PRKG1: variants seen among roughly 807,000 people sequenced by gnomAD.
The protein encoded by PRKG1 is protein kinase cGMP-dependent 1.
Under a neutral mutation model 88.1 loss-of-function variants are expected in PRKG1, and 35 were observed. The ratio of observed to expected loss-of-function variants is 0.40; its 90% CI spans 0.30 to 0.53. PRKG1 has a LOEUF of 0.53. Ranked by LOEUF, PRKG1 falls within the 20% of genes least tolerant of loss-of-function variation. The pLI is 0.59. For synonymous variants in PRKG1, 303 were observed against 292.5 expected, an observed-to-expected ratio of 1.04 and a Z score of -0.37; for missense variants, 540 against 839.8, an observed-to-expected ratio of 0.64 and a Z score of 4.41.
intron 2 of PRKG1, among the ~76,000 whole-genome samples, chr10:51,259,062 G>T (rs933831425): frequency 5.3e-5 from 8 of 152,134 alleles, no homozygotes; most frequent in African/African-American, 7.2e-5. Flanking sequence ...CCTGCCAAGT[G>T]CTTGTATGTT....
At chr10:51,273,387 T>A (rs1554853445) in intron 2 of PRKG1, among the ~76,000 whole-genome samples, 1 of 149,128 alleles carries the variant, frequency 6.7e-6, no homozygotes, top group Non-Finnish European at 1.5e-5. Flanking sequence ...CTTGTTGTGG[T>A]GGCATGCACC....
chr10:51,537,151 G>T (rs997168764), intron 3 of PRKG1, among the ~76,000 whole-genome samples: 1 of 152,140 alleles, frequency 6.6e-6, no homozygotes, highest in African/African-American at 2.4e-5. Flanking sequence ...ATGATCATAA[G>T]AATTTTTTAT....
intron 2 of PRKG1, among the ~76,000 whole-genome samples, chr10:51,314,412 T>C (rs541728313): frequency 8.5e-5 from 13 of 152,354 alleles, no homozygotes; most frequent in African/African-American, 2.9e-4. Context: ...GAACACAGTT[T>C]GTAAATTCTA....
intron 12 of PRKG1, among the ~76,000 whole-genome samples, chr10:52,274,602 CATTG>C (rs1170777340): frequency 6.6e-6 from 1 of 151,158 alleles, no homozygotes; most frequent in Non-Finnish European, 1.5e-5. Context: ...TTTATCCATT[CATTG>C]ATTGATGGGC....
chr10:51,650,848 T>G (rs927802302), intron 3 of PRKG1, among the ~76,000 whole-genome samples: 1 of 152,162 alleles, frequency 6.6e-6, no homozygotes, highest in Non-Finnish European at 1.5e-5. Context: ...TCAATTCACT[T>G]TAGTTCAACT....
intron 2 of PRKG1, among the ~76,000 whole-genome samples, chr10:51,302,120 A>G (rs1840904725): frequency 4.6e-5 from 7 of 152,164 alleles, no homozygotes. Context: ...TGTATCTTAT[A>G]CTTCTTTTGA....
intron 3 of PRKG1, among the ~76,000 whole-genome samples, chr10:51,729,664 G>T (rs975664594): frequency 2.8e-4 from 32 of 116,260 alleles, no homozygotes; most frequent in Non-Finnish European, 3.1e-4. Context: ...CCGAGGTCAT[G>T]CAACTGCACT....
At chr10:51,447,695 C>T (rs1325008531) in intron 2 of PRKG1, among the ~76,000 whole-genome samples, 1 of 151,924 alleles carries the variant, frequency 6.6e-6, no homozygotes, top group Non-Finnish European at 1.5e-5. Flanking sequence ...CCACCATTTC[C>T]ATAACTAGAC....
intron 5 of PRKG1, among the ~76,000 whole-genome samples, chr10:52,005,374 A>G (rs1453027477): frequency 6.6e-6 from 1 of 151,420 alleles, no homozygotes; most frequent in Non-Finnish European, 1.5e-5. Flanking sequence ...GATTACAGTC[A>G]TGAACCACCC....
chr10:51,619,099 A>T (rs1839142519), intron 3 of PRKG1, among the ~76,000 whole-genome samples: 1 of 151,966 alleles, frequency 6.6e-6, no homozygotes, highest in African/African-American at 2.4e-5. Context: ...ATCATGTGGG[A>T]GAATAGAGGA....
chr10:51,272,088 T>C (rs936522807), intron 2 of PRKG1, among the ~76,000 whole-genome samples: 2 of 152,254 alleles, frequency 1.3e-5, no homozygotes, highest in Admixed American at 1.3e-4. Context: ...TGTTGTTTCC[T>C]GACTTTTTAA....
At chr10:51,458,584 A>G (rs1198391343) in intron 2 of PRKG1, among the ~76,000 whole-genome samples, 1 of 152,148 alleles carries the variant, frequency 6.6e-6, no homozygotes, top group African/African-American at 2.4e-5. Context: ...TATTATTCCC[A>G]TTGCATTGTT....
intron 2 of PRKG1, among the ~76,000 whole-genome samples, chr10:51,167,345 C>T (rs142566138): frequency 8.5e-4 from 129 of 152,024 alleles, no homozygotes; most frequent in Middle Eastern, 3.4e-3. Context: ...CAGTAAGGTA[C>T]GGAAAAGTTT....
chr10:52,272,773 A>G (rs1841766592), intron 12 of PRKG1, among the ~76,000 whole-genome samples: 1 of 152,006 alleles, frequency 6.6e-6, no homozygotes, highest in South Asian at 2.1e-4. Context: ...TTAGCTCTGT[A>G]GCTGGAATTC....
intron 2 of PRKG1, among the ~76,000 whole-genome samples, chr10:51,238,284 CT>C (rs1206455828): frequency 2.0e-5 from 3 of 152,102 alleles, no homozygotes; most frequent in African/African-American, 7.2e-5. Context: ...CATTTTGTGC[CT>C]ATTTAAAAGT....
In PRKG1 at chr10:52,171,850, C is replaced by T. The variant is rs1039719886; in HGVS notation, c.1076+9887C>T. Among the ~76,000 whole-genome samples, 416 of 129,548 alleles carry T rather than the reference C, an allele frequency of 3.2e-3. 4 individuals are homozygous for T. Among genetic ancestry groups the T allele is most frequent in the African/African-American group, 0.012 (391 of 31,418 alleles). The allele number at this position is 129,548 out of a possible 152,430, so 85.0% of individuals were successfully genotyped here. A position where few individuals can be genotyped will look rare whatever the true frequency, so the allele number is the denominator to read the frequency against. On this transcript the variant is annotated intron_variant, in intron 9 of 17. Coordinates refer to ENST00000373980, the MANE Select transcript of PRKG1 (RefSeq NM_006258.4). ...TCGCTCTGTCGCCCAGGTCGGACTGCGGACTGCAGTGGCGCAATCTCGGCT... is the reference window on the plus strand; with the variant it reads ...TCGCTCTGTCGCCCAGGTCGGACTGTGGACTGCAGTGGCGCAATCTCGGCT...
intron 14 of PRKG1, among the ~76,000 whole-genome samples, chr10:52,286,155 A>T (rs963898867): frequency 6.6e-6 from 1 of 152,098 alleles, no homozygotes; most frequent in African/African-American, 2.4e-5. Flanking sequence ...AAATTCATTA[A>T]TAAGGAATAG....
chr10:52,078,968 G>A (rs1167472191), intron 7 of PRKG1, among the ~76,000 whole-genome samples: 10 of 152,180 alleles, frequency 6.6e-5, no homozygotes. Flanking sequence ...AATAGAGTTG[G>A]ATGTGCCTAC....
intron 9 of PRKG1, among the ~76,000 whole-genome samples, chr10:52,170,898 C>CG: frequency 6.6e-6 from 1 of 152,210 alleles, no homozygotes; most frequent in African/African-American, 2.4e-5. Flanking sequence ...TCAGACAGAA[C>CG]GGCTGCTGTT....
Sources: gnomAD v4.1 joint callset for allele counts (sites outside exome capture counted in the v4.1 genomes callset) on GRCh38, gnomAD v4.1.1 for gene constraint, MANE v1.5 for transcripts, NCBI Gene and HGNC (gene_info 2026-07-23, HGNC 2026-07-21) for gene names.